The following MGAT5B variants were observed in gnomAD, a reference collection of about 807,000 sequenced individuals.
MGAT5B encodes the protein alpha-1,6-mannosylglycoprotein 6-beta-N-acetylglucosaminyltransferase B, also known as N-acetylglucosaminyl-transferase Vb.
In MGAT5B, 54 loss-of-function variants were observed where a neutral mutation model predicts 95.1. The observed-to-expected ratio is 0.57, with a 90% CI of 0.46 to 0.71. The LOEUF (loss-of-function observed/expected upper bound fraction) is 0.71. MGAT5B is among the 30% of genes least tolerant of loss of function. The probability of loss-of-function intolerance (pLI) is 0.00; values close to 1 mark genes in which losing one functional copy is unlikely to be tolerated. For synonymous variants in MGAT5B, 464 were observed against 451.0 expected (o/e 1.03, Z -0.36); for missense variants, 935 against 1,088.6 (o/e 0.86, Z 1.99).
chr17:76,889,793 C>T lies in MGAT5B; in HGVS notation c.329+7495C>T, dbSNP rs1967800902. On this transcript the variant is annotated intron_variant, in intron 3 of 17. Coordinates refer to ENST00000569840, the MANE Select transcript of MGAT5B (RefSeq NM_001199172.2). This position sits in a 1 kb window ranked among gnomAD's most constrained non-coding sequence, Gnocchi z 4.4. Reference sequence around the variant, plus strand: ...CACTGTTGTCACAGCCCCACGGTGCCGAGAGCCGGACCAACCACATGACAG... The same window carrying T: ...CACTGTTGTCACAGCCCCACGGTGCTGAGAGCCGGACCAACCACATGACAG... Among the ~76,000 whole-genome samples, 7 of 152,256 alleles carry T rather than the reference C, an allele frequency of 4.6e-5. No individual in the cohort carries two copies. The South Asian group carries it at 1.2e-3, about 27-fold the overall frequency.
At position 76,938,703 on chromosome 17, in the gene MGAT5B, G is replaced by A. The variant is rs898510120; in HGVS notation, c.1584+560G>A. Among the ~76,000 whole-genome samples the A allele has an allele frequency of 2.0e-5, 3 of 152,124 alleles. No homozygotes were observed. The highest frequency in any genetic ancestry group is 4.4e-5 in the Non-Finnish European group (3 of 68,012). ...CCCTCACCCTCTTTTTTATGAGACA[G>A]GGTCTTGCTCTGTCACCCACGCTGG... On this transcript the variant is annotated intron_variant, in intron 13 of 17. Coordinates refer to ENST00000569840, the MANE Select transcript of MGAT5B (RefSeq NM_001199172.2). This position sits in a 1 kb window ranked among gnomAD's most constrained non-coding sequence, Gnocchi z 4.3.
rs1967426291 is a variant in MGAT5B at position 76,881,739 on chromosome 17, C to T, written c.182-412C>T. Among the ~76,000 whole-genome samples the T allele has an allele frequency of 3.3e-5, 5 of 152,212 alleles. No individual in the cohort carries two copies. The South Asian group carries it at 6.2e-4, about 19-fold the overall frequency. On this transcript the variant is annotated intron_variant, in intron 2 of 17. Transcript: ENST00000569840. ...ATCTAGAAGTCCTGCCTGGAGCTTA[C>T]CGTTTGGGGGCTCTGGGGCTTCTTT... is the stretch of plus-strand genomic sequence containing the variant.
intron 8 of MGAT5B, among the ~76,000 whole-genome samples, chr17:76,921,710 A>C (rs1969130468): frequency 6.6e-6 from 1 of 152,174 alleles, no homozygotes; most frequent in East Asian, 1.9e-4. Flanking sequence ...GCATCCTCGA[A>C]GTCCTGGCTC....
chr17:76,886,716 G>T (rs1967642806), intron 3 of MGAT5B, among the ~76,000 whole-genome samples: 1 of 152,162 alleles, frequency 6.6e-6, no homozygotes, highest in Non-Finnish European at 1.5e-5. Flanking sequence ...GAGGGGCAGT[G>T]GTGGGCTTGA....
intron 3 of MGAT5B, among the ~76,000 whole-genome samples, chr17:76,885,045 T>C (rs970809689): frequency 6.6e-6 from 1 of 152,178 alleles, no homozygotes; most frequent in African/African-American, 2.4e-5. Flanking sequence ...GGCTACTGGA[T>C]TTATTTTTTA....
chr17:76,935,324 G>T (rs1299821915), intron 12 of MGAT5B, among the ~76,000 whole-genome samples: 1 of 138,160 alleles, frequency 7.2e-6, no homozygotes, highest in African/African-American at 2.6e-5. Flanking sequence ...TTTTTGGTTC[G>T]TGTACAATTT....
chr17:76,939,025 T>TGGGGGGGG (rs112555397), intron 13 of MGAT5B, among the ~76,000 whole-genome samples: 4 of 128,958 alleles, frequency 3.1e-5, no homozygotes, highest in African/African-American at 1.2e-4. Flanking sequence ...CAAGGCATCT[T>TGGGGGGGG]GGGGGTGTGT....
chr17:76,908,272 C>CTTTTTTTTTTTTTTTT (rs34430112), intron 8 of MGAT5B, among the ~76,000 whole-genome samples: 1 of 128,276 alleles, frequency 7.8e-6, no homozygotes. Context: ...CTCTTTCTTT[C>CTTTTTTTTTTTTTTTT]TTCTTTTTTT....
intron 3 of MGAT5B, among the ~76,000 whole-genome samples, chr17:76,884,193 A>G (rs1004629262): frequency 2.6e-5 from 4 of 152,228 alleles, no homozygotes; most frequent in African/African-American, 9.6e-5. Flanking sequence ...TAAAGATTTA[A>G]TTAAATCTTT....
intron 2 of MGAT5B, 37 bp from the exon 3 acceptor site, chr17:76,882,114 C>T (rs757983430): frequency 2.3e-5 from 36 of 1,563,160 alleles, no homozygotes; most frequent in Admixed American, 3.5e-5. Context: ...CCAGGCTGCT[C>T]GGGCCTCCCC....
At chr17:76,898,049 T>A (rs1968163516) in intron 3 of MGAT5B, among the ~76,000 whole-genome samples, 1 of 120,048 alleles carries the variant, frequency 8.3e-6, no homozygotes, top group African/African-American at 4.5e-5. Flanking sequence ...AGAGTGAAAC[T>A]CTGTCTCAAA....
At chr17:76,872,299 T>C (rs1462233543) in intron 1 of MGAT5B, among the ~76,000 whole-genome samples, 1 of 152,182 alleles carries the variant, frequency 6.6e-6, no homozygotes, top group African/African-American at 2.4e-5. Context: ...CAGCAAGGCC[T>C]CTGCACACTG....
intron 2 of MGAT5B, 120 bp downstream of exon 2, chr17:76,873,083 T>A: frequency 9.0e-7 from 1 of 1,106,364 alleles, no homozygotes; most frequent in Non-Finnish European, 1.3e-6. Context: ...TGGATGTGAG[T>A]GGAGGGGGCC....
intron 3 of MGAT5B, among the ~76,000 whole-genome samples, chr17:76,890,022 G>C (rs1047795338): frequency 3.2e-4 from 49 of 152,372 alleles, no homozygotes; most frequent in African/African-American, 1.0e-3. Flanking sequence ...TGGCCATGCC[G>C]TGGGTGGTCT....
intron 1 of MGAT5B, among the ~76,000 whole-genome samples, chr17:76,871,811 T>A (rs1967021776): frequency 6.6e-6 from 1 of 152,194 alleles, no homozygotes; most frequent in African/African-American, 2.4e-5. Context: ...GCTCTACCAG[T>A]TCATCAAGTC....
Position 76,946,409 on chromosome 17 carries a change from G to C in MGAT5B, c.1882G>C (p.Glu628Gln). 6.2e-7 allele frequency: 1 copy of C among 1,606,840 alleles called. No individual in the cohort carries two copies. Among genetic ancestry groups the C allele is most frequent in the Middle Eastern group, 1.7e-4 (1 of 6,042 alleles). The part of the protein sequence containing the change: ...DPYLPYEYTC[E>Q]GMLERIHAYI... ...CTACCTACCCTACGAGTACACCTGCGAGGGGATGCTGGAGCGGATCCACGC... is the reference window on the plus strand; with the variant it reads ...CTACCTACCCTACGAGTACACCTGCCAGGGGATGCTGGAGCGGATCCACGC... The change falls in exon 16 of 18, where the codon GAG becomes CAG. Residue 628 changes from glutamate to glutamine, a missense_variant. By Grantham distance (29) the Glu-to-Gln change is conservative (BLOSUM62 2). Transcript: ENST00000569840.
chr17:76,939,028 G>GT (rs1160590129), intron 13 of MGAT5B, among the ~76,000 whole-genome samples: 3,417 of 100,956 alleles, frequency 0.034, 53 homozygotes, highest in African/African-American at 0.063. Context: ...GGCATCTTGG[G>GT]GGTGTGTGTG....
intron 8 of MGAT5B, among the ~76,000 whole-genome samples, chr17:76,910,581 G>T (rs1245334084): frequency 6.6e-6 from 1 of 152,214 alleles, no homozygotes; most frequent in African/African-American, 2.4e-5. Context: ...GCAAATGCAT[G>T]CTCCTGCATG....
At chr17:76,910,294 C>A (rs1417327424) in intron 8 of MGAT5B, among the ~76,000 whole-genome samples, 1 of 152,228 alleles carries the variant, frequency 6.6e-6, no homozygotes, top group Non-Finnish European at 1.5e-5. Context: ...CCACCGGCTC[C>A]CTCTGAACAG....
Sources: gnomAD v4.1 joint callset for allele counts (sites outside exome capture counted in the v4.1 genomes callset) on GRCh38, gnomAD v4.1.1 for gene constraint, Gnocchi (gnomAD v3.1) non-coding constraint, MANE v1.5 for transcripts, NCBI Gene and HGNC (gene_info 2026-07-23, HGNC 2026-07-21) for gene names.